The following TAS2R1 variants were observed in gnomAD, a reference collection of about 807,000 sequenced individuals.
TAS2R1 encodes the protein taste 2 receptor member 1.
For synonymous variants in TAS2R1, 141 were observed against 134.2 expected (o/e 1.05, Z -0.35); for missense variants, 370 against 353.4 (o/e 1.05, Z -0.38).
chr5:9,823,070 G>T, the TAS2R1 span, among the ~76,000 whole-genome samples: 2 of 147,556 alleles, frequency 1.4e-5, no homozygotes, highest in African/African-American at 5.0e-5. Context: ...AACAAGAACT[G>T]TCCAGGACTT....
At chr5:9,875,080 G>C in the TAS2R1 span, among the ~76,000 whole-genome samples, 1 of 152,154 alleles carries the variant, frequency 6.6e-6, no homozygotes, top group Non-Finnish European at 1.5e-5. Context: ...AAAATCTACT[G>C]TGTGCAACAG....
At chr5:9,783,888 G>C in the TAS2R1 span, among the ~76,000 whole-genome samples, 1 of 152,182 alleles carries the variant, frequency 6.6e-6, no homozygotes, top group Non-Finnish European at 1.5e-5. Context: ...AGTGTCCAGA[G>C]GTCTTGAAGG....
chr5:9,791,191 CACACACACACAT>C, the TAS2R1 span, among the ~76,000 whole-genome samples: 1 of 149,498 alleles, frequency 6.7e-6, no homozygotes, highest in East Asian at 1.9e-4. Flanking sequence ...GTGGAGTGAA[CACACACACACAT>C]ACACACACAC....
the TAS2R1 span, among the ~76,000 whole-genome samples, chr5:9,875,205 G>A: frequency 2.0e-5 from 3 of 152,194 alleles, no homozygotes; most frequent in African/African-American, 7.2e-5. Flanking sequence ...ACCAGGCAGG[G>A]AAAATCAATG....
At chr5:9,857,902 C>A in the TAS2R1 span, among the ~76,000 whole-genome samples, 2 of 152,116 alleles carry the variant, frequency 1.3e-5, no homozygotes, top group African/African-American at 4.8e-5. Context: ...AGCAGGCTGG[C>A]CTGTTTCTTG....
intron 1 of TAS2R1, among the ~76,000 whole-genome samples, chr5:9,679,262 A>C (rs937254907): frequency 6.6e-6 from 1 of 152,206 alleles, no homozygotes; most frequent in African/African-American, 2.4e-5. Context: ...AACTATTCTA[A>C]ATAATACCGT....
intron 1 of TAS2R1, among the ~76,000 whole-genome samples, chr5:9,700,188 T>G (rs1741447558): frequency 6.6e-6 from 1 of 152,108 alleles, no homozygotes; most frequent in South Asian, 2.1e-4. Flanking sequence ...GGATTCTGAG[T>G]AAGTTGATTT....
At chr5:9,647,285 T>C (rs765419234) in intron 2 of TAS2R1, among the ~76,000 whole-genome samples, 15 of 152,322 alleles carry the variant, frequency 9.8e-5, no homozygotes, top group Non-Finnish European at 1.8e-4. Context: ...TCAGATGTCT[T>C]GCATTCTAGA....
chr5:9,902,743 C>T, the TAS2R1 span: 1 of 151,894 alleles, frequency 6.6e-6, no homozygotes, highest in African/African-American at 2.4e-5. Flanking sequence ...ATAAACTCAG[C>T]GTGGACAGGT....
At chr5:9,807,798 C>T in the TAS2R1 span, among the ~76,000 whole-genome samples, 1 of 152,114 alleles carries the variant, frequency 6.6e-6, no homozygotes. Flanking sequence ...AAAGAATAGA[C>T]ATTGCATGCA....
At chr5:9,718,125 ATT>A in the TAS2R1 span, among the ~76,000 whole-genome samples, 27 of 138,778 alleles carry the variant, frequency 1.9e-4, no homozygotes, top group East Asian at 4.2e-4. Flanking sequence ...ATGCCCAGCA[ATT>A]TTTTTTTTTT....
At chr5:9,881,043 T>G in the TAS2R1 span, among the ~76,000 whole-genome samples, 1 of 152,110 alleles carries the variant, frequency 6.6e-6, no homozygotes, top group Non-Finnish European at 1.5e-5. Context: ...TCTTTCCCAC[T>G]GCTGGCTCTG....
the TAS2R1 span, among the ~76,000 whole-genome samples, chr5:9,758,681 G>A: frequency 6.6e-6 from 1 of 151,976 alleles, no homozygotes; most frequent in African/African-American, 2.4e-5. Flanking sequence ...CAAAATCAGG[G>A]AAAAGGAAGA....
chr5:9,703,060 C>A, intron 1 of TAS2R1, among the ~76,000 whole-genome samples: 1 of 152,120 alleles, frequency 6.6e-6, no homozygotes, highest in East Asian at 1.9e-4. Context: ...GGCACAGGGA[C>A]CACAGTTGGG....
intron 1 of TAS2R1, among the ~76,000 whole-genome samples, chr5:9,709,472 T>C (rs910162015): frequency 1.3e-5 from 2 of 152,198 alleles, no homozygotes; most frequent in Admixed American, 6.5e-5. Flanking sequence ...CCATGACTCC[T>C]GCCTCCTTGC....
chr5:9,750,928 G>C, the TAS2R1 span, among the ~76,000 whole-genome samples: 37 of 151,842 alleles, frequency 2.4e-4, no homozygotes, highest in African/African-American at 8.0e-4. Context: ...ACTGTCTCAG[G>C]AGAGGCAGAG....
chr5:9,819,502 G>A, the TAS2R1 span, among the ~76,000 whole-genome samples: 3 of 152,152 alleles, frequency 2.0e-5, no homozygotes, highest in African/African-American at 2.4e-5. Context: ...AAAACACTAC[G>A]TCTTGGGCTC....
intron 1 of TAS2R1, among the ~76,000 whole-genome samples, chr5:9,660,284 G>C (rs1365380076): frequency 3.8e-4 from 51 of 135,368 alleles, no homozygotes; most frequent in African/African-American, 1.4e-3. Flanking sequence ...CACTGTGTTA[G>C]CCAGGATGGT....
chr5:9,839,342 A>C, the TAS2R1 span, among the ~76,000 whole-genome samples: 1 of 152,234 alleles, frequency 6.6e-6, no homozygotes, highest in Admixed American at 6.5e-5. Flanking sequence ...TTCATATATG[A>C]TATCAGCAAT....
Sources: gnomAD v4.1 joint callset for allele counts (sites outside exome capture counted in the v4.1 genomes callset) on GRCh38, gnomAD v4.1.1 for gene constraint, MANE v1.5 for transcripts, NCBI Gene and HGNC (gene_info 2026-07-23, HGNC 2026-07-21) for gene names.